The following NPBWR1 variants were observed in gnomAD, a reference collection of about 807,000 sequenced individuals.
NPBWR1 encodes the protein neuropeptides B and W receptor 1, also known as neuropeptides B/W receptor type 1.
In NPBWR1, 4 loss-of-function variants were observed where a neutral mutation model predicts 2.8. The ratio of observed to expected loss-of-function variants is 1.44; its 90% CI spans 0.71 to 3.29. The LOEUF (loss-of-function observed/expected upper bound fraction) is 3.29. NPBWR1 is among the 30% of genes most tolerant of loss of function. NPBWR1 has a pLI of 0.01. For synonymous variants in NPBWR1, 250 were observed against 224.5 expected (o/e 1.11, Z -1.02); for missense variants, 545 against 462.5 (o/e 1.18, Z -1.64).
Position 52,942,153 on chromosome 8 carries a change from G to A in NPBWR1, c.*1259G>A, listed in dbSNP as rs1305925515. Among the ~76,000 whole-genome samples the A allele has an allele frequency of 1.3e-5, 2 of 152,230 alleles. No homozygotes were observed. The highest frequency in any genetic ancestry group is 4.8e-5 in the African/African-American group (2 of 41,468). Reference sequence around the variant, plus strand: ...AGAGCAGGAAGCAGGGATGACCGACGGCTTCAGGTTTTCTCTGCTGTACTT... The same window carrying A: ...AGAGCAGGAAGCAGGGATGACCGACAGCTTCAGGTTTTCTCTGCTGTACTT... On this transcript the variant is annotated 3_prime_UTR_variant, in exon 2 of 2. Coordinates refer to ENST00000674939, the MANE Select transcript of NPBWR1 (RefSeq NM_005285.5).
chr8:52,940,584 T>C lies in NPBWR1; in HGVS notation c.677T>C (p.Leu226Pro), dbSNP rs1350105950. The change falls in exon 2 of 2, where the codon CTG becomes CCG. Residue 226 changes from leucine to proline, a missense_variant. Physicochemically the swap from Leu to Pro is moderately conservative, Grantham distance 98. Transcript: ENST00000674939. Reference protein sequence around the residue: ...VSTICVLYTTLLCRLHAMRLD... With the variant: ...VSTICVLYTTPLCRLHAMRLD... ...ACCATCTGTGTCCTCTATACCACCC[T>C]GCTGTGCCGGCTGCATGCCATGCGG... 1 of 1,602,364 alleles carries C rather than the reference T, an allele frequency of 6.2e-7. No individual in the cohort carries two copies. The highest frequency in any genetic ancestry group is 8.5e-7 in the Non-Finnish European group (1 of 1,176,242).
chr8:52,940,549 C>T lies in NPBWR1; in HGVS notation c.642C>T (p.Ile214=), dbSNP rs140373094. 2.5e-6 allele frequency: 4 copies of T among 1,597,294 alleles called. No homozygotes were observed. The African/African-American group carries it at 5.4e-5, about 21-fold the overall frequency. ...ACACGCTCGTGCTGGGCTTCGCCATCCCCGTGTCCACCATCTGTGTCCTCT... is the reference window on the plus strand; with the variant it reads ...ACACGCTCGTGCTGGGCTTCGCCATTCCCGTGTCCACCATCTGTGTCCTCT... ...RLYTLVLGFA[I]PVSTICVLYT... Residue 214 remains isoleucine, a synonymous_variant, in exon 2 of 2, where the codon ATC becomes ATT. Transcript: ENST00000674939.
At position 52,940,040 on chromosome 8, in the gene NPBWR1, G is replaced by C. The variant is rs1860163243; in HGVS notation, c.133G>C (p.Ala45Pro). ...GGCGGTGGCTGTACCAGTTGTCTAC[G>C]CGGTGATCTGCGCCGTGGGTCTGGC... ...PLAVAVPVVYAVICAVGLAGN... is the reference protein window; with the variant it reads ...PLAVAVPVVYPVICAVGLAGN... The change falls in exon 2 of 2, where the codon GCG becomes CCG. Residue 45 changes from alanine to proline, a missense_variant. By Grantham distance (27) the Ala-to-Pro change is conservative (BLOSUM62 -1). Transcript: ENST00000674939. 6.2e-7 allele frequency: 1 copy of C among 1,607,458 alleles called. No individual in the cohort carries two copies.
In NPBWR1 at chr8:52,939,819, G is replaced by T. The variant is rs1163657964; in HGVS notation, c.-89G>T. 3 of 1,370,794 alleles carry T rather than the reference G, an allele frequency of 2.2e-6. No homozygotes were observed. Among genetic ancestry groups the T allele is most frequent in the Admixed American group, 2.9e-5 (1 of 34,892 alleles). The allele number at this position is 1,370,794 out of a possible 1,614,324, so 84.9% of individuals were successfully genotyped here. ...AGCTGAAACGAGCGTCCGCGAGCAG[G>T]TCCGTGCAGAACCGGGCTTCAGGAC... On this transcript the variant is annotated 5_prime_UTR_variant, in exon 2 of 2. Coordinates refer to ENST00000674939, the MANE Select transcript of NPBWR1 (RefSeq NM_005285.5).
rs774857281 is a variant in NPBWR1 at position 52,940,567 on chromosome 8, T to C, written c.660T>C (p.Cys220=). The C allele has an allele frequency of 1.6e-5, 25 of 1,599,912 alleles. No individual in the cohort carries two copies. Among genetic ancestry groups the C allele is most frequent in the Non-Finnish European group, 2.1e-5 (25 of 1,175,512 alleles). The part of the protein sequence containing the change: ...LGFAIPVSTI[C]VLYTTLLCRL... Reference sequence around the variant, plus strand: ...TCGCCATCCCCGTGTCCACCATCTGTGTCCTCTATACCACCCTGCTGTGCC... The same window carrying C: ...TCGCCATCCCCGTGTCCACCATCTGCGTCCTCTATACCACCCTGCTGTGCC... Residue 220 remains cysteine (C), a synonymous_variant, in exon 2 of 2, where the codon TGT becomes TGC. Transcript: ENST00000674939.
rs1860154682 is a variant in NPBWR1, at chr8:52,939,803, G to C, written c.-105G>C. On this transcript the variant is annotated 5_prime_UTR_variant, in exon 2 of 2. Transcript: ENST00000674939. ...AGAGAACGGCTTGGAGAGCTGAAAC[G>C]AGCGTCCGCGAGCAGGTCCGTGCAG... 7.8e-7 allele frequency: 1 copy of C among 1,283,380 alleles called. No homozygotes were observed. Among genetic ancestry groups the C allele is most frequent in the Non-Finnish European group, 1.0e-6 (1 of 967,664 alleles). 79.5% of individuals were successfully genotyped at this position (1,283,380 alleles called of 1,614,324 possible).
rs111878763 is a variant in NPBWR1 at position 52,941,547 on chromosome 8, CTGTG to C, written c.*668_*671del. On this transcript the variant is annotated 3_prime_UTR_variant, in exon 2 of 2. Transcript: ENST00000674939. ...ATGCCCCATCGGAGTGTGTATACAC[CTGTG>C]TGTGTGTGTGTGTGGTGTGCGCGCG... Among the ~76,000 whole-genome samples, 2 of 150,728 alleles carry C rather than the reference CTGTG, an allele frequency of 1.3e-5. No individual in the cohort carries two copies. The highest frequency in any genetic ancestry group is 1.5e-5 in the Non-Finnish European group (1 of 67,488).
rs1427514117 is a variant in NPBWR1 at position 52,940,012 on chromosome 8, G to A, written c.105G>A (p.Pro35=). The change falls in exon 2 of 2, where the codon CCG becomes CCA. Residue 35 remains proline, a synonymous_variant. Coordinates refer to ENST00000674939, the MANE Select transcript of NPBWR1 (RefSeq NM_005285.5). ...NASTLAPLPA[P]LAVAVPVVYA... ...CGACTCTGGCGCCGCTGCCGGCGCC[G>A]CTGGCGGTGGCTGTACCAGTTGTCT... is the stretch of plus-strand genomic sequence containing the variant. 6.2e-7 allele frequency: 1 copy of A among 1,604,328 alleles called. No homozygotes were observed. Among genetic ancestry groups the A allele is most frequent in the Non-Finnish European group, 8.5e-7 (1 of 1,179,552 alleles).
Position 52,942,383 on chromosome 8 carries a change from GT to G in NPBWR1, c.*1492del, listed in dbSNP as rs1325348648. ...CATTGGGTTTGCCCAATCCTCTGCA[GT>G]TTAGCCTTAGACATGAGGGCCGAAC... On this transcript the variant is annotated 3_prime_UTR_variant, in exon 2 of 2. Transcript: ENST00000674939. Among the ~76,000 whole-genome samples the G allele has an allele frequency of 6.6e-6, 1 of 152,252 alleles. No homozygotes were observed. The highest frequency in any genetic ancestry group is 1.5e-5 in the Non-Finnish European group (1 of 68,050).
chr8:52,941,942 T>C lies in NPBWR1; in HGVS notation c.*1048T>C, dbSNP rs1802880065. 6.6e-6 allele frequency among the ~76,000 whole-genome samples: 1 copy of C among 152,220 alleles called. No individual in the cohort carries two copies. The highest frequency in any genetic ancestry group is 2.4e-5 in the African/African-American group (1 of 41,468). On this transcript the variant is annotated 3_prime_UTR_variant, in exon 2 of 2. Coordinates refer to ENST00000674939, the MANE Select transcript of NPBWR1 (RefSeq NM_005285.5). ...CATTCCCCCAATTGGCCTCGTCTCT[T>C]GTCTTACTTAGATCAGTTTGTTGTA... is the stretch of plus-strand genomic sequence containing the variant.
In NPBWR1 at chr8:52,943,732, T is replaced by C. The variant is rs140935179; in HGVS notation, c.*2838T>C. 4.2e-4 allele frequency among the ~76,000 whole-genome samples: 64 copies of C among 152,384 alleles called. No individual in the cohort carries two copies. Among genetic ancestry groups the C allele is most frequent in the African/African-American group, 1.5e-3 (63 of 41,600 alleles). On this transcript the variant is annotated 3_prime_UTR_variant, in exon 2 of 2. Coordinates refer to ENST00000674939, the MANE Select transcript of NPBWR1 (RefSeq NM_005285.5). ...ATAAAAGCTGAAACATTCTGTGTGA[T>C]AAGTGAACATTCTATTTTCTGAGAA...
rs1860168928 is a variant in NPBWR1 at position 52,940,214 on chromosome 8, C to G, written c.307C>G (p.Pro103Ala). The stretch of plus-strand genomic sequence containing the variant: ...CGCCGACTTCCTGCTGCGGCAGTGG[C>G]CCTTCGGGGAGCTCATGTGCAAGCT... ...NIADFLLRQWPFGELMCKLIV... is the reference protein window; with the variant it reads ...NIADFLLRQWAFGELMCKLIV... The change falls in exon 2 of 2, where the codon CCC becomes GCC. Residue 103 changes from proline to alanine, a missense_variant. Physicochemically the swap from Pro to Ala is conservative, Grantham distance 27. Coordinates refer to ENST00000674939, the MANE Select transcript of NPBWR1 (RefSeq NM_005285.5). 6.2e-7 allele frequency: 1 copy of G among 1,613,700 alleles called. No homozygotes were observed. The highest frequency in any genetic ancestry group is 1.7e-5 in the Admixed American group (1 of 60,002).
At position 52,941,057 on chromosome 8, in the gene NPBWR1, AGGTTGACC is replaced by A; in HGVS notation, c.*164_*171del. On this transcript the variant is annotated 3_prime_UTR_variant, in exon 2 of 2. Coordinates refer to ENST00000674939, the MANE Select transcript of NPBWR1 (RefSeq NM_005285.5). The stretch of plus-strand genomic sequence containing the variant: ...TCGGAAGCGCTGCGACTGTGCCCGC[AGGTTGACC>A]TTGCCAAGCCCTCCAGGTGATGCGC... 5.2e-6 allele frequency: 5 copies of A among 969,362 alleles called. No homozygotes were observed. Among genetic ancestry groups the A allele is most frequent in the Admixed American group, 2.9e-5 (1 of 34,302 alleles). 60.0% of individuals were successfully genotyped at this position (969,362 alleles called of 1,614,324 possible).
rs988588143 is a variant in NPBWR1, at chr8:52,941,405, C to T, written c.*511C>T. ...CCTCCGCGCGCTCTGGGAAGACGGT[C>T]AGGCGCGCGCGTTTGGCGCCCACCC... On this transcript the variant is annotated 3_prime_UTR_variant, in exon 2 of 2. Coordinates refer to ENST00000674939, the MANE Select transcript of NPBWR1 (RefSeq NM_005285.5). Among the ~76,000 whole-genome samples the T allele has an allele frequency of 6.6e-6, 1 of 152,192 alleles. No homozygotes were observed. Among genetic ancestry groups the T allele is most frequent in the Admixed American group, 6.5e-5 (1 of 15,284 alleles).
At position 52,940,518 on chromosome 8, in the gene NPBWR1, G is replaced by C; in HGVS notation, c.611G>C (p.Arg204Pro). ...GAGGCCTTCTGGTGGCGCGCGAGCC[G>C]CCTCTACACGCTCGTGCTGGGCTTC... ...QPEAFWWRAS[R>P]LYTLVLGFAI... The change falls in exon 2 of 2, where the codon CGC becomes CCC. Residue 204 changes from arginine to proline, a missense_variant. Transcript: ENST00000674939. 6.3e-7 allele frequency: 1 copy of C among 1,591,604 alleles called. No individual in the cohort carries two copies. Among genetic ancestry groups the C allele is most frequent in the Non-Finnish European group, 8.5e-7 (1 of 1,172,964 alleles).
In NPBWR1 at chr8:52,940,977, G is replaced by A; in HGVS notation, c.*83G>A. On this transcript the variant is annotated 3_prime_UTR_variant, in exon 2 of 2. Coordinates refer to ENST00000674939, the MANE Select transcript of NPBWR1 (RefSeq NM_005285.5). Reference sequence around the variant, plus strand: ...CGGCGCCAGAGTGCGGGACCAGACAGGCCGCCTAGGCCTCCTGGGGAAACC... The same window carrying A: ...CGGCGCCAGAGTGCGGGACCAGACAAGCCGCCTAGGCCTCCTGGGGAAACC... 1.4e-6 allele frequency: 2 copies of A among 1,461,888 alleles called. No homozygotes were observed. The highest frequency in any genetic ancestry group is 2.4e-5 in the East Asian group (1 of 41,500). The allele number at this position is 1,461,888 out of a possible 1,614,324, so 90.6% of individuals were successfully genotyped here. A position where few individuals can be genotyped will look rare whatever the true frequency, so the allele number is the denominator to read the frequency against.
In NPBWR1 at chr8:52,941,107, G is replaced by C; in HGVS notation, c.*213G>C. 2 of 644,526 alleles carry C rather than the reference G, an allele frequency of 3.1e-6. No homozygotes were observed. The highest frequency in any genetic ancestry group is 5.2e-6 in the Non-Finnish European group (2 of 382,806). The allele number at this position is 644,526 out of a possible 1,614,324, so 39.9% of individuals were successfully genotyped here. A position where few individuals can be genotyped will look rare whatever the true frequency, so the allele number is the denominator to read the frequency against. ...GTGATGCGCGGCCATGCCGGGTGAG[G>C]AGAACTGAGGCTGAGATCGCCACAC... On this transcript the variant is annotated 3_prime_UTR_variant, in exon 2 of 2. Transcript: ENST00000674939.
At position 52,940,000 on chromosome 8, in the gene NPBWR1, G is replaced by T. The variant is rs368313385; in HGVS notation, c.93G>T (p.Pro31=). 147 of 1,603,464 alleles carry T rather than the reference G, an allele frequency of 9.2e-5. No individual in the cohort carries two copies. The highest frequency in any genetic ancestry group is 1.7e-4 in the Middle Eastern group (1 of 6,052). ...LSCSNASTLA[P]LPAPLAVAVP... is the part of the protein sequence containing the mutation. ...GCTCCAACGCGTCGACTCTGGCGCCGCTGCCGGCGCCGCTGGCGGTGGCTG... is the reference window on the plus strand; with the variant it reads ...GCTCCAACGCGTCGACTCTGGCGCCTCTGCCGGCGCCGCTGGCGGTGGCTG... Residue 31 remains proline (P), a synonymous_variant, in exon 2 of 2, where the codon CCG becomes CCT. Transcript: ENST00000674939.
rs1411121127 is a variant in NPBWR1 at position 52,942,653 on chromosome 8, G to C, written c.*1759G>C. 6.6e-6 allele frequency among the ~76,000 whole-genome samples: 1 copy of C among 152,142 alleles called. No individual in the cohort carries two copies. The highest frequency in any genetic ancestry group is 1.5e-5 in the Non-Finnish European group (1 of 68,032). On this transcript the variant is annotated 3_prime_UTR_variant, in exon 2 of 2. Coordinates refer to ENST00000674939, the MANE Select transcript of NPBWR1 (RefSeq NM_005285.5). ...AAGGAAAAAACTCCCCCTTGGAATGGGGGGAAGCAAACCCCCTCTCTAATT... is the reference window on the plus strand; with the variant it reads ...AAGGAAAAAACTCCCCCTTGGAATGCGGGGAAGCAAACCCCCTCTCTAATT...
Sources: gnomAD v4.1 joint callset for allele counts (sites outside exome capture counted in the v4.1 genomes callset) on GRCh38, gnomAD v4.1.1 for gene constraint, MANE v1.5 for transcripts, NCBI Gene and HGNC (gene_info 2026-07-23, HGNC 2026-07-21) for gene names.